The following FIG4 variants were observed in gnomAD, a reference collection of about 807,000 sequenced individuals.
FIG4 encodes the protein polyphosphoinositide phosphatase.
Under a neutral mutation model 118.6 loss-of-function variants are expected in FIG4, and 112 were observed. That is an observed-to-expected ratio of 0.94 (90% CI 0.81 to 1.11). The LOEUF is 1.11. Ranked by LOEUF, FIG4 falls within the 50% of genes least tolerant of loss-of-function variation. The pLI, the probability that FIG4 is intolerant of heterozygous loss-of-function variation, is 0.00. For missense variants in FIG4, 969 were observed against 1,111.7 expected (o/e 0.87, Z 1.83); for synonymous variants, 369 against 381.2 (o/e 0.97, Z 0.37).
intron 10 of FIG4, 97 bp from the exon 11 acceptor site, chr6:109,760,153 T>A: frequency 9.9e-7 from 1 of 1,006,230 alleles, no homozygotes. Context: ...AAGACTTGGA[T>A]TTTTTTGTCT....
chr6:109,810,084 C>A (rs1260980985), intron 22 of FIG4, among the ~76,000 whole-genome samples: 1 of 152,116 alleles, frequency 6.6e-6, no homozygotes, highest in African/African-American at 2.4e-5. Context: ...AGTCCCAGAA[C>A]CTGCTCAGCA....
At chr6:109,731,414 T>C (rs1290955918) in intron 4 of FIG4, among the ~76,000 whole-genome samples, 1 of 152,202 alleles carries the variant, frequency 6.6e-6, no homozygotes, top group Non-Finnish European at 1.5e-5. Context: ...TTGTATCTTA[T>C]AGTGGAGAAC....
At chr6:109,822,303 T>G (rs971676346) in intron 22 of FIG4, among the ~76,000 whole-genome samples, 7 of 152,292 alleles carry the variant, frequency 4.6e-5, no homozygotes, top group African/African-American at 1.7e-4. Context: ...TGGGTGATGT[T>G]CACTTTATAA....
chr6:109,774,089 G>A (rs1217926630), intron 15 of FIG4, among the ~76,000 whole-genome samples: 1 of 152,158 alleles, frequency 6.6e-6, no homozygotes, highest in Non-Finnish European at 1.5e-5. Context: ...TGGGATTACA[G>A]GCATGAGCCT....
chr6:109,809,599 G>A (rs895197625), intron 22 of FIG4, among the ~76,000 whole-genome samples: 5 of 152,156 alleles, frequency 3.3e-5, no homozygotes, highest in Non-Finnish European at 5.9e-5. Context: ...GCATTACTAA[G>A]GCAACCAGGG....
intron 17 of FIG4, chr6:109,786,099 T>G (rs1023896978): frequency 6.9e-6 from 4 of 576,764 alleles, no homozygotes; most frequent in Non-Finnish European, 9.2e-6. Context: ...CTTGTTGAAC[T>G]CAGCTTTGCA....
At chr6:109,771,559 C>T (rs139762082) in intron 15 of FIG4, among the ~76,000 whole-genome samples, 3,529 of 148,340 alleles carry the variant, frequency 0.024, 80 homozygotes, top group East Asian at 0.092. Context: ...AGCTCCGCCT[C>T]CTGGGTTCAT....
chr6:109,791,287 T>G, intron 19 of FIG4, 89 bp from the exon 20 acceptor site: 1 of 1,114,662 alleles, frequency 9.0e-7, no homozygotes, highest in Non-Finnish European at 1.3e-6. Flanking sequence ...TATGCTTCAC[T>G]AGGCCTAAGG....
intron 10 of FIG4, among the ~76,000 whole-genome samples, chr6:109,750,955 A>G (rs1295889013): frequency 6.6e-6 from 1 of 152,216 alleles, no homozygotes; most frequent in African/African-American, 2.4e-5. Flanking sequence ...AATAAGCAAA[A>G]TTTATTTTCA....
chr6:109,785,717 A>T, intron 17 of FIG4: 1 of 470,370 alleles, frequency 2.1e-6, no homozygotes, highest in South Asian at 1.6e-5. Flanking sequence ...CCAATTGAGG[A>T]CTCCATCTAG....
intron 16 of FIG4, among the ~76,000 whole-genome samples, chr6:109,782,638 T>C (rs1777840206): frequency 6.6e-6 from 1 of 151,862 alleles, no homozygotes; most frequent in Admixed American, 6.5e-5. Flanking sequence ...TTCTCTACTT[T>C]ACTCGTCTGC....
chr6:109,714,379 G>T (rs1775364564), intron 1 of FIG4, among the ~76,000 whole-genome samples: 1 of 152,148 alleles, frequency 6.6e-6, no homozygotes, highest in South Asian at 2.1e-4. Flanking sequence ...TGCTCCAGTT[G>T]TCCTGGTCCC....
At chr6:109,824,129 G>C (rs1451836843) in intron 22 of FIG4, among the ~76,000 whole-genome samples, 1 of 152,198 alleles carries the variant, frequency 6.6e-6, no homozygotes, top group Non-Finnish European at 1.5e-5. Flanking sequence ...CCTTCCCCAC[G>C]GGGTGCATGG....
At chr6:109,769,910 C>T (rs1777407377) in intron 15 of FIG4, among the ~76,000 whole-genome samples, 1 of 152,180 alleles carries the variant, frequency 6.6e-6, no homozygotes, top group Non-Finnish European at 1.5e-5. Context: ...CAGAGTGAGA[C>T]TGTCTCTCAA....
At chr6:109,740,375 A>G (rs1365914826) in intron 7 of FIG4, among the ~76,000 whole-genome samples, 2 of 152,158 alleles carry the variant, frequency 1.3e-5, no homozygotes, top group Admixed American at 6.6e-5. Context: ...GGAACTCTAT[A>G]TGATTATAAA....
intron 10 of FIG4, among the ~76,000 whole-genome samples, chr6:109,758,267 C>A (rs940372682): frequency 6.6e-6 from 1 of 151,982 alleles, no homozygotes; most frequent in African/African-American, 2.4e-5. Context: ...CATACATAGA[C>A]CAATGGAACA....
chr6:109,723,626 T>C (rs1562646458), intron 3 of FIG4, among the ~76,000 whole-genome samples: 2 of 152,348 alleles, frequency 1.3e-5, no homozygotes, highest in East Asian at 3.9e-4. Context: ...ATAAAATGGC[T>C]TCCAATGCTG....
In FIG4 at chr6:109,741,471, A is replaced by T. The variant is rs991119750; in HGVS notation, c.803A>T (p.Tyr268Phe). Residue 268 changes from tyrosine (Y) to phenylalanine (F), a missense_variant, in exon 8 of 23, where the codon TAT becomes TTT. Physicochemically the swap from Tyr to Phe is conservative, Grantham distance 22. Around this residue, in one of 3 missense-constraint regions of FIG4, gnomAD observed 393 missense variants for 409.4 expected, o/e 0.96. Transcript: ENST00000230124. ...SKLLIYGRPV[Y>F]VTLIARRSSK... ...CTGTTGATCTATGGACGACCAGTGT[A>T]TGTCACTCTAATAGCTAGAAGATCC... is the stretch of plus-strand genomic sequence containing the variant. 1 of 1,613,066 alleles carries T rather than the reference A, an allele frequency of 6.2e-7. No homozygotes were observed. The highest frequency in any genetic ancestry group is 8.5e-7 in the Non-Finnish European group (1 of 1,179,292).
chr6:109,784,247 A>G (rs1186296470), intron 16 of FIG4, among the ~76,000 whole-genome samples: 1 of 152,060 alleles, frequency 6.6e-6, no homozygotes, highest in Non-Finnish European at 1.5e-5. Flanking sequence ...AATTTGATTG[A>G]GAATTAAATT....
Sources: allele counts gnomAD v4.1 joint callset (sites outside exome capture counted in the v4.1 genomes callset), GRCh38; gene constraint gnomAD v4.1.1; regional missense constraint gnomAD v4.1.1; transcripts MANE v1.5; gene names NCBI Gene and HGNC (gene_info 2026-07-23, HGNC 2026-07-21).